The following TLN2 variants were observed in gnomAD, a reference collection of about 807,000 sequenced individuals.
TLN2 encodes talin-2.
Under a neutral mutation model 294.7 loss-of-function variants are expected in TLN2, and 118 were observed. The observed-to-expected ratio is 0.40, with a 90% CI of 0.34 to 0.47. The LOEUF (loss-of-function observed/expected upper bound fraction) is 0.47. TLN2 is among the 20% of genes least tolerant of loss of function. The pLI is 0.84. For synonymous variants in TLN2, 1,431 were observed against 1,304.5 expected (o/e 1.10, Z -2.09); for missense variants, 3,083 against 3,282.2 (o/e 0.94, Z 1.48).
chr15:62,623,526 CT>C (rs2049012690), intron 3 of TLN2, among the ~76,000 whole-genome samples: 1 of 152,174 alleles, frequency 6.6e-6, no homozygotes, highest in African/African-American at 2.4e-5. Context: ...AATCCTAGAC[CT>C]TTATGGAATG....
intron 3 of TLN2, among the ~76,000 whole-genome samples, chr15:62,636,075 G>A (rs77063301): frequency 0.05 from 7,614 of 152,166 alleles, 216 homozygotes; most frequent in African/African-American, 0.063. Flanking sequence ...AGTGCCAGGC[G>A]CGTAATCACT....
intron 1 of TLN2, among the ~76,000 whole-genome samples, chr15:62,494,152 C>T (rs1366778036): frequency 6.6e-6 from 1 of 152,038 alleles, no homozygotes; most frequent in African/African-American, 2.4e-5. Context: ...ATCCAAGTAC[C>T]CCAAGCCTGT....
At chr15:62,634,735 A>G (rs973720035) in intron 3 of TLN2, among the ~76,000 whole-genome samples, 8 of 152,210 alleles carry the variant, frequency 5.3e-5, no homozygotes, top group Non-Finnish European at 1.2e-4. Flanking sequence ...AATTTAGTTA[A>G]TATTCTTTTT....
intron 1 of TLN2, among the ~76,000 whole-genome samples, chr15:62,492,860 T>C (rs926945045): frequency 8.8e-4 from 134 of 152,338 alleles, no homozygotes; most frequent in Middle Eastern, 3.4e-3. Flanking sequence ...TGGTAAATCC[T>C]TGTGTCTCTA....
chr15:62,467,404 A>G (rs2037198207), intron 1 of TLN2, among the ~76,000 whole-genome samples: 1 of 152,198 alleles, frequency 6.6e-6, no homozygotes, highest in South Asian at 2.1e-4. Context: ...ACAAGAGATT[A>G]TTTTAAGGCC....
At chr15:62,664,346 A>C (rs1013213326) in intron 9 of TLN2, among the ~76,000 whole-genome samples, 3 of 152,078 alleles carry the variant, frequency 2.0e-5, no homozygotes, top group Admixed American at 2.0e-4. Flanking sequence ...GTGATTCAGA[A>C]AATACAAAAT....
chr15:62,477,908 GGGTGCAGC>G (rs2037866171), intron 1 of TLN2, among the ~76,000 whole-genome samples: 2 of 138,176 alleles, frequency 1.4e-5, no homozygotes, highest in African/African-American at 2.6e-5. Flanking sequence ...ATGGAGGGGG[GGGTGCAGC>G]GGGGGCAGAG....
chr15:62,576,711 C>T (rs1286512621), intron 1 of TLN2, among the ~76,000 whole-genome samples: 2 of 115,616 alleles, frequency 1.7e-5, no homozygotes, highest in Admixed American at 2.6e-4. Flanking sequence ...ATTTGTTCCT[C>T]GAGAAGACTT....
At chr15:62,660,038 T>A (rs1327314834) in intron 9 of TLN2, among the ~76,000 whole-genome samples, 1 of 152,206 alleles carries the variant, frequency 6.6e-6, no homozygotes, top group Non-Finnish European at 1.5e-5. Flanking sequence ...ATATGTGTGA[T>A]CTGCTTAAAC....
intron 52 of TLN2, among the ~76,000 whole-genome samples, chr15:62,810,650 G>A (rs946367870): frequency 1.3e-5 from 2 of 152,120 alleles, no homozygotes; most frequent in African/African-American, 2.4e-5. Flanking sequence ...GCCTCAGTTT[G>A]TGCAGTTCCT....
intron 55 of TLN2, chr15:62,835,413 A>C (rs1448735394): frequency 2.7e-6 from 1 of 377,140 alleles, no homozygotes; most frequent in Non-Finnish European, 4.9e-6. Context: ...AAAGCTCAGC[A>C]GAGGAGTAAG....
chr15:62,800,222 T>C (rs2065832214), intron 48 of TLN2, 146 bp from the exon 49 acceptor site: 1 of 1,326,052 alleles, frequency 7.5e-7, no homozygotes, highest in African/African-American at 1.5e-5. Flanking sequence ...CAAGGGTGGC[T>C]TCCCAGGAGG....
Position 62,835,722 on chromosome 15 carries a change from G to T in TLN2, c.7129-15G>T, listed in dbSNP as rs1175375064. On this transcript the variant is annotated splice_polypyrimidine_tract_variant and intron_variant, in intron 55 of 58. Coordinates refer to ENST00000636159, the MANE Select transcript of TLN2 (RefSeq NM_015059.3). Reference sequence around the variant, plus strand: ...TGCCTGCCCTCATGGCCAATTTCTCGACTCTACTCTCTAGGTGGGCTCCAT... The same window carrying T: ...TGCCTGCCCTCATGGCCAATTTCTCTACTCTACTCTCTAGGTGGGCTCCAT... The T allele has an allele frequency of 1.2e-6, 2 of 1,614,086 alleles. No individual in the cohort carries two copies. The highest frequency in any genetic ancestry group is 8.5e-7 in the Non-Finnish European group (1 of 1,180,008).
At chr15:62,638,699 T>C in intron 3 of TLN2, 1 of 449,224 alleles carries the variant, frequency 2.2e-6, no homozygotes, top group Non-Finnish European at 4.5e-6. Flanking sequence ...TGGTTCTTGG[T>C]GGAGGGTAGA....
At chr15:62,611,759 A>G (rs9920670) in intron 2 of TLN2, among the ~76,000 whole-genome samples, 56,987 of 152,030 alleles carry the variant, frequency 0.37, 11,269 homozygotes, top group East Asian at 0.57. Flanking sequence ...CCAGAGCCAC[A>G]TTGGGTTCCC....
chr15:62,499,047 G>A (rs1427103581), intron 1 of TLN2, among the ~76,000 whole-genome samples: 7 of 152,060 alleles, frequency 4.6e-5, no homozygotes, highest in African/African-American at 1.7e-4. Flanking sequence ...CTTACTGTGT[G>A]GACTTTATGG....
intron 3 of TLN2, 139 bp from the exon 4 acceptor site, chr15:62,647,136 A>G (rs2051967210): frequency 3.6e-6 from 3 of 823,016 alleles, no homozygotes; most frequent in South Asian, 1.9e-5. Flanking sequence ...TTTTGTACCT[A>G]AAGTGTACTC....
Position 62,844,281 on chromosome 15 carries a change from A to G in TLN2, c.*3671A>G, listed in dbSNP as rs1819174946. The stretch of plus-strand genomic sequence containing the variant: ...AGCCTCTGCTTGGTATGTCATGTTT[A>G]TGGTCACTACGGATGAGTGTGTGCA... On this transcript the variant is annotated 3_prime_UTR_variant, in exon 59 of 59. Coordinates refer to ENST00000636159, the MANE Select transcript of TLN2 (RefSeq NM_015059.3). 6.6e-6 allele frequency: 1 copy of G among 151,982 alleles called. No homozygotes were observed. The highest frequency in any genetic ancestry group is 2.1e-4 in the South Asian group (1 of 4,818). The allele number at this position is 151,982 out of a possible 1,614,324, so 9.4% of individuals were successfully genotyped here. A position where few individuals can be genotyped will look rare whatever the true frequency, so the allele number is the denominator to read the frequency against.
Position 62,840,486 on chromosome 15 carries a change from T to C in TLN2, c.7505T>C (p.Ile2502Thr). The C allele has an allele frequency of 6.2e-7, 1 of 1,614,040 alleles. No individual in the cohort carries two copies. The highest frequency in any genetic ancestry group is 1.7e-5 in the Admixed American group (1 of 60,006). The change falls in exon 59 of 59, where the codon ATC becomes ACC. Residue 2502 changes from isoleucine to threonine, a missense_variant. Transcript: ENST00000636159. ...AGCTTGTTGCTTTCTTTCTAGATCATCGCCGCCCAGGAAGAAATGCTAAAG... is the reference window on the plus strand; with the variant it reads ...AGCTTGTTGCTTTCTTTCTAGATCACCGCCGCCCAGGAAGAAATGCTAAAG... ...TKFVGGIAQI[I>T]AAQEEMLKKE... is the part of the protein sequence containing the mutation.
Sources: allele counts gnomAD v4.1 joint callset (sites outside exome capture counted in the v4.1 genomes callset), GRCh38; gene constraint gnomAD v4.1.1; transcripts MANE v1.5; gene names NCBI Gene and HGNC (gene_info 2026-07-23, HGNC 2026-07-21).